Variants in TLN2 observed in about 807,000 individuals in gnomAD.
The protein encoded by TLN2 is talin-2.
Under a neutral mutation model 294.7 loss-of-function variants are expected in TLN2, and 118 were observed. The observed-to-expected ratio is 0.40, with a 90% confidence interval of 0.34 to 0.47. TLN2 has a LOEUF of 0.47. Ranked by LOEUF, TLN2 falls within the 20% of genes least tolerant of loss-of-function variation. The pLI is 0.84. For synonymous variants in TLN2, 1,431 were observed against 1,304.5 expected (o/e 1.10, Z -2.09); for missense variants, 3,083 against 3,282.2 (o/e 0.94, Z 1.48).
chr15:62,741,691 A>T (rs1004611515), intron 32 of TLN2, among the ~76,000 whole-genome samples: 22 of 145,244 alleles, frequency 1.5e-4, no homozygotes, highest in Admixed American at 4.1e-4. Flanking sequence ...GTGATTTTTG[A>T]AAAGCATAGC....
chr15:62,694,891 C>T (rs1186087279), intron 14 of TLN2, among the ~76,000 whole-genome samples: 1 of 152,146 alleles, frequency 6.6e-6, no homozygotes, highest in African/African-American at 2.4e-5. Context: ...AATCTGGGGT[C>T]TCTGTTTCAC....
chr15:62,833,704 A>C, intron 55 of TLN2, 75 bp downstream of exon 55: 3 of 1,565,002 alleles, frequency 1.9e-6, no homozygotes, highest in Non-Finnish European at 2.6e-6. Flanking sequence ...AAGAGCTACA[A>C]GCTTTTGTCC....
intron 7 of TLN2, among the ~76,000 whole-genome samples, chr15:62,653,639 A>T (rs1018634806): frequency 2.0e-5 from 3 of 152,116 alleles, no homozygotes; most frequent in African/African-American, 7.2e-5. Context: ...AGGCAGGAGA[A>T]TCACTTGAAC....
intron 1 of TLN2, among the ~76,000 whole-genome samples, chr15:62,480,689 TTC>T: frequency 6.6e-6 from 1 of 152,360 alleles, no homozygotes; most frequent in African/African-American, 2.4e-5. Context: ...GCTTCCAGTC[TTC>T]TGGTCCTGCG....
intron 44 of TLN2, among the ~76,000 whole-genome samples, chr15:62,783,014 T>C (rs574491966): frequency 2.6e-5 from 4 of 152,152 alleles, no homozygotes; most frequent in Non-Finnish European, 5.9e-5. Context: ...CACTAGAAAC[T>C]AGCATGCCAG....
intron 1 of TLN2, among the ~76,000 whole-genome samples, chr15:62,587,251 G>C (rs148042639): frequency 6.6e-6 from 1 of 152,198 alleles, no homozygotes; most frequent in Non-Finnish European, 1.5e-5. Flanking sequence ...CATTGATATC[G>C]TGTATTCCTT....
chr15:62,719,164 G>C (rs1345058681), intron 24 of TLN2, among the ~76,000 whole-genome samples: 1 of 152,140 alleles, frequency 6.6e-6, no homozygotes, highest in Non-Finnish European at 1.5e-5. Flanking sequence ...ATCTCCCAAG[G>C]CACACTGTAG....
chr15:62,532,587 CTTGCA>C (rs2041108586), intron 1 of TLN2, among the ~76,000 whole-genome samples: 1 of 152,178 alleles, frequency 6.6e-6, no homozygotes, highest in Non-Finnish European at 1.5e-5. Flanking sequence ...CTGCAATACC[CTTGCA>C]AGAGAGACCA....
chr15:62,629,147 C>CA (rs760802996), intron 3 of TLN2, among the ~76,000 whole-genome samples: 8 of 152,168 alleles, frequency 5.3e-5, no homozygotes, highest in Non-Finnish European at 1.2e-4. Context: ...GAGCCATGAT[C>CA]ACGCCACCAC....
intron 45 of TLN2, among the ~76,000 whole-genome samples, chr15:62,791,423 T>A (rs2065071461): frequency 6.6e-6 from 1 of 152,160 alleles, no homozygotes; most frequent in Admixed American, 6.5e-5. Flanking sequence ...CACGAGAATA[T>A]TCTACTAAAT....
chr15:62,626,390 G>T (rs1343103448), intron 3 of TLN2, among the ~76,000 whole-genome samples: 1 of 152,196 alleles, frequency 6.6e-6, no homozygotes, highest in Non-Finnish European at 1.5e-5. Context: ...ACATCTGACA[G>T]TATGTGATCT....
intron 1 of TLN2, among the ~76,000 whole-genome samples, chr15:62,401,853 T>C (rs142993851): frequency 6.6e-6 from 1 of 152,336 alleles, no homozygotes; most frequent in East Asian, 1.9e-4. Flanking sequence ...CATGGTTATC[T>C]CTAGACCACT....
rs1273620699 is a variant in TLN2 at position 62,414,164 on chromosome 15, C to CAA, written c.-238+23479_-238+23480insAA. Among the ~76,000 whole-genome samples the CAA allele has an allele frequency of 3.0e-3, 272 of 90,622 alleles. 27 individuals are homozygous for CAA. Among genetic ancestry groups the CAA allele is most frequent in the African/African-American group, 9.9e-3 (263 of 26,478 alleles). 59.5% of individuals were successfully genotyped at this position (90,622 alleles called of 152,430 possible). A position where few individuals can be genotyped will look rare whatever the true frequency, so the allele number is the denominator to read the frequency against. ...AGTGAAGTGTTAGCAAAAAAAAAAA[C>CAA]TATATATATATATATATATATATAT... On this transcript the variant is annotated intron_variant, in intron 1 of 58. Transcript: ENST00000636159.
At chr15:62,694,769 G>C (rs1299027656) in intron 14 of TLN2, among the ~76,000 whole-genome samples, 1 of 152,218 alleles carries the variant, frequency 6.6e-6, no homozygotes, top group Non-Finnish European at 1.5e-5. Context: ...TTTTGTGGGA[G>C]GAGGGAGTGC....
chr15:62,650,371 G>T (rs2140941291), intron 5 of TLN2, among the ~76,000 whole-genome samples, 190 bp downstream of exon 5: 1 of 152,300 alleles, frequency 6.6e-6, no homozygotes, highest in East Asian at 1.9e-4. Flanking sequence ...TTCCATAGAA[G>T]GATTGAAGCA....
At chr15:62,546,571 C>T (rs2042004502) in intron 1 of TLN2, among the ~76,000 whole-genome samples, 1 of 152,132 alleles carries the variant, frequency 6.6e-6, no homozygotes, top group South Asian at 2.1e-4. Context: ...GGCATGTTGT[C>T]TGAAGGTTTG....
At chr15:62,644,823 G>A in intron 3 of TLN2, 1 of 332,588 alleles carries the variant, frequency 3.0e-6, no homozygotes, top group East Asian at 7.9e-5. Flanking sequence ...TGGCTTCAGT[G>A]GAATCTCTCT....
At chr15:62,706,814 A>G (rs2059104111) in intron 19 of TLN2, among the ~76,000 whole-genome samples, 1 of 152,190 alleles carries the variant, frequency 6.6e-6, no homozygotes, top group South Asian at 2.1e-4. Context: ...CATGAATGGG[A>G]ATCAGTGGTT....
intron 51 of TLN2, among the ~76,000 whole-genome samples, chr15:62,807,828 T>C (rs758231244): frequency 3.3e-5 from 5 of 151,998 alleles, no homozygotes; most frequent in Non-Finnish European, 7.4e-5. Context: ...TTGACAGGAG[T>C]CACTGCTGAG....
Sources: allele counts gnomAD v4.1 joint callset (sites outside exome capture counted in the v4.1 genomes callset), GRCh38; gene constraint gnomAD v4.1.1; transcripts MANE v1.5; gene names NCBI Gene and HGNC (gene_info 2026-07-23, HGNC 2026-07-21).